MYL12B: variants seen among roughly 807,000 people sequenced by gnomAD.
MYL12B encodes myosin regulatory light chain 12B.
A neutral mutation model predicts 12.9 loss-of-function variants in MYL12B; 3 were observed. The observed-to-expected ratio is 0.23, with a 90% confidence interval of 0.11 to 0.60. MYL12B has a LOEUF of 0.60. MYL12B is among the 20% of genes least tolerant of loss of function. The pLI is 0.89. For missense variants in MYL12B, 120 were observed against 215.4 expected (o/e 0.56, Z 2.77); for synonymous variants, 57 against 71.9 (o/e 0.79, Z 1.05).
At chr18:3,276,513 A>C (rs1390100859) in intron 2 of MYL12B, 1 of 985,104 alleles carries the variant, frequency 1.0e-6, no homozygotes. Flanking sequence ...AGAAGACCAC[A>C]GTTCAATGAC....
At chr18:3,269,584 G>A (rs1291659351) in intron 1 of MYL12B, among the ~76,000 whole-genome samples, 3 of 152,138 alleles carry the variant, frequency 2.0e-5, no homozygotes, top group African/African-American at 7.2e-5. Flanking sequence ...ATATCCAGAT[G>A]GGTGCCTTTC....
chr18:3,274,389 G>A (rs1297342170), intron 2 of MYL12B, among the ~76,000 whole-genome samples: 1 of 152,200 alleles, frequency 6.6e-6, no homozygotes. Flanking sequence ...TTAAAGATAC[G>A]TGTTAAAAGA....
At chr18:3,263,346 C>A (rs1020212939) in intron 1 of MYL12B, among the ~76,000 whole-genome samples, 2 of 152,118 alleles carry the variant, frequency 1.3e-5, no homozygotes, top group African/African-American at 2.4e-5. Context: ...TTCAGTAGGA[C>A]CTGATAGATT....
intron 2 of MYL12B, among the ~76,000 whole-genome samples, chr18:3,274,587 G>A (rs923961707): frequency 6.6e-6 from 1 of 152,220 alleles, no homozygotes; most frequent in African/African-American, 2.4e-5. Flanking sequence ...TGGCTTGATT[G>A]ATTACAGCTC....
chr18:3,266,966 T>C (rs2081639510), intron 1 of MYL12B, among the ~76,000 whole-genome samples: 1 of 152,184 alleles, frequency 6.6e-6, no homozygotes, highest in African/African-American at 2.4e-5. Context: ...TTGGAATCCA[T>C]GTCTCCAGCA....
chr18:3,266,037 A>G (rs2081631795), intron 1 of MYL12B, among the ~76,000 whole-genome samples: 1 of 152,226 alleles, frequency 6.6e-6, no homozygotes, highest in African/African-American at 2.4e-5. Flanking sequence ...AAAGAGGTCA[A>G]GGAGACAGTG....
intron 1 of MYL12B, among the ~76,000 whole-genome samples, chr18:3,270,342 T>C (rs1238392030): frequency 6.6e-6 from 1 of 152,246 alleles, no homozygotes; most frequent in East Asian, 1.9e-4. Context: ...ATTTAAAATA[T>C]AGTATTACTA....
chr18:3,277,213 A>G (rs1209688254), intron 2 of MYL12B, 40 bp from the exon 3 acceptor site: 2 of 1,479,130 alleles, frequency 1.4e-6, no homozygotes, highest in Non-Finnish European at 1.8e-6. Context: ...TTGAAATTAA[A>G]TGTTTTTGTC....
chr18:3,268,285 A>G (rs1249735570), intron 1 of MYL12B, among the ~76,000 whole-genome samples: 1 of 152,224 alleles, frequency 6.6e-6, no homozygotes, highest in Admixed American at 6.5e-5. Flanking sequence ...TTGCAGAGGA[A>G]GGAAGAAGTG....
At chr18:3,265,330 A>G (rs1417584515) in intron 1 of MYL12B, among the ~76,000 whole-genome samples, 1 of 152,220 alleles carries the variant, frequency 6.6e-6, no homozygotes, top group Non-Finnish European at 1.5e-5. Context: ...ATATCCAGTC[A>G]TTTGAGTCTT....
intron 1 of MYL12B, among the ~76,000 whole-genome samples, chr18:3,271,437 A>G (rs1023520877): frequency 2.6e-5 from 4 of 152,166 alleles, no homozygotes; most frequent in Non-Finnish European, 5.9e-5. Context: ...TAGACAATAC[A>G]TTTATATAAA....
At chr18:3,270,250 AGCTGATACTGTAT>A (rs761602962) in intron 1 of MYL12B, among the ~76,000 whole-genome samples, 9 of 152,208 alleles carry the variant, frequency 5.9e-5, no homozygotes, top group Non-Finnish European at 1.3e-4. Flanking sequence ...CTCACTTTTC[AGCTGATACTGTAT>A]GTGTAGTTTT....
In MYL12B at chr18:3,272,990, T is replaced by A; in HGVS notation, c.92T>A (p.Ile31Asn). 1 of 1,612,546 alleles carries A rather than the reference T, an allele frequency of 6.2e-7. No individual in the cohort carries two copies. Among genetic ancestry groups the A allele is most frequent in the Non-Finnish European group, 8.5e-7 (1 of 1,179,576 alleles). Reference protein sequence around the residue: ...NVFAMFDQSQIQEFKEAFNMI... With the variant: ...NVFAMFDQSQNQEFKEAFNMI... ...TTTGCCATGTTTGACCAGTCACAGA[T>A]TCAGGAGTTCAAAGAGGCCTTCAAC... Residue 31 changes from isoleucine to asparagine, a missense_variant, in exon 2 of 4, where the codon ATT (isoleucine) becomes AAT (asparagine). By Grantham distance (149) the Ile-to-Asn change is moderately radical. Transcript: ENST00000237500.
chr18:3,273,653 C>G (rs909505705), intron 2 of MYL12B, among the ~76,000 whole-genome samples: 24 of 152,078 alleles, frequency 1.6e-4, no homozygotes, highest in African/African-American at 5.3e-4. Context: ...TCTTAACATG[C>G]ATCCTACATG....
At chr18:3,276,499 C>G in intron 2 of MYL12B, 1 of 984,962 alleles carries the variant, frequency 1.0e-6, no homozygotes, top group Non-Finnish European at 1.2e-6. Context: ...ACAAACAATA[C>G]CAAAGAAGAC....
Position 3,277,836 on chromosome 18 carries a change from G to T in MYL12B, c.418G>T (p.Asp140Tyr). 1.2e-6 allele frequency: 2 copies of T among 1,614,066 alleles called. No homozygotes were observed. Among genetic ancestry groups the T allele is most frequent in the Non-Finnish European group, 1.7e-6 (2 of 1,179,974 alleles). ...GGATCGGTTTACAGATGAGGAAGTG[G>T]ATGAGCTGTACAGAGAAGCACCTAT... ...MGDRFTDEEV[D>Y]ELYREAPIDK... is the part of the protein sequence containing the mutation. The change falls in exon 4 of 4, where the codon GAT (aspartate) becomes TAT (tyrosine). Residue 140 changes from aspartate (D) to tyrosine (Y), a missense_variant. Asp to Tyr is a radical substitution (Grantham distance 160, BLOSUM62 -3). Coordinates refer to ENST00000237500, the MANE Select transcript of MYL12B (RefSeq NM_033546.4).
At chr18:3,268,967 T>G (rs777886512) in intron 1 of MYL12B, among the ~76,000 whole-genome samples, 2 of 152,174 alleles carry the variant, frequency 1.3e-5, no homozygotes, top group Non-Finnish European at 2.9e-5. Flanking sequence ...TAATTCTCTC[T>G]CTGTTCCTAA....
At chr18:3,273,153 T>C in intron 2 of MYL12B, 71 bp downstream of exon 2, 1 of 1,459,178 alleles carries the variant, frequency 6.9e-7, no homozygotes, top group Non-Finnish European at 9.2e-7. Flanking sequence ...CTTTTTTTTG[T>C]GCGATGTACA....
chr18:3,270,991 A>G (rs1051643022), intron 1 of MYL12B, among the ~76,000 whole-genome samples: 2 of 152,172 alleles, frequency 1.3e-5, no homozygotes, highest in African/African-American at 4.8e-5. Context: ...TTTAAAAATA[A>G]ATATTTAACT....
Sources: allele counts gnomAD v4.1 joint callset (sites outside exome capture counted in the v4.1 genomes callset), GRCh38; gene constraint gnomAD v4.1.1; transcripts MANE v1.5; gene names NCBI Gene and HGNC (gene_info 2026-07-23, HGNC 2026-07-21).